The following AFF3 variants were observed in gnomAD, a reference collection of about 807,000 sequenced individuals.
AFF3 encodes the protein ALF transcription elongation factor 3.
AFF3 carries 32 observed loss-of-function variants against 129.7 expected under a neutral mutation model. That is an observed-to-expected ratio of 0.25 (90% CI 0.19 to 0.33). AFF3 has a LOEUF of 0.33. Ranked by LOEUF, AFF3 falls within the 10% of genes least tolerant of loss-of-function variation. The pLI, the probability that AFF3 is intolerant of heterozygous loss-of-function variation, is 1.00. For synonymous variants in AFF3, 644 were observed against 635.4 expected (o/e 1.01, Z -0.20); for missense variants, 1,373 against 1,592.0 (o/e 0.86, Z 2.34).
At chr2:99,619,120 T>C in intron 13 of AFF3, among the ~76,000 whole-genome samples, 1 of 152,216 alleles carries the variant, frequency 6.6e-6, no homozygotes, top group East Asian at 1.9e-4. Flanking sequence ...GAGATGGCAG[T>C]GCCCAGATCT....
chr2:99,573,633 G>A (rs1450709946), intron 18 of AFF3, among the ~76,000 whole-genome samples: 1 of 152,210 alleles, frequency 6.6e-6, no homozygotes, highest in Non-Finnish European at 1.5e-5. Context: ...TGAGACTGCT[G>A]TGCAAGTACA....
At position 99,587,192 on chromosome 2, in the gene AFF3, A is replaced by G. The variant is rs1030402589; in HGVS notation, c.2553T>C (p.Asn851=). 4 of 1,614,078 alleles carry G rather than the reference A, an allele frequency of 2.5e-6. No homozygotes were observed. The highest frequency in any genetic ancestry group is 2.5e-6 in the Non-Finnish European group (3 of 1,180,052). The stretch of plus-strand genomic sequence containing the variant: ...TGTTGCAGTGGTTTGCAGACAAAGT[A>G]TTACTGGTGGAGGTGGCCAGTCTTG... ...SSSRLATSTS[N]TLSANHCNMN... Residue 851 remains asparagine, a synonymous_variant, in exon 16 of 25, where the codon AAT becomes AAC. Coordinates refer to ENST00000672756, the MANE Select transcript of AFF3 (RefSeq NM_001386135.1).
intron 4 of AFF3, among the ~76,000 whole-genome samples, chr2:100,040,742 AGT>A (rs1195435253): frequency 6.6e-6 from 1 of 152,244 alleles, no homozygotes; most frequent in Non-Finnish European, 1.5e-5. Context: ...AAGTGAAAGC[AGT>A]GTTAGAAAAC....
chr2:100,057,890 CAAGAT>C (rs1227699325), intron 4 of AFF3, among the ~76,000 whole-genome samples: 1 of 152,186 alleles, frequency 6.6e-6, no homozygotes, highest in African/African-American at 2.4e-5. Flanking sequence ...TTCCTGGAAT[CAAGAT>C]AAACTATTAT....
chr2:99,667,557 AAAC>A (rs1422294216), intron 12 of AFF3, among the ~76,000 whole-genome samples: 20 of 152,244 alleles, frequency 1.3e-4, no homozygotes, highest in Non-Finnish European at 2.5e-4. Context: ...AATATTAATG[AAAC>A]AACAAGCTAG....
chr2:100,079,870 A>T (rs1688908146), intron 4 of AFF3, among the ~76,000 whole-genome samples: 1 of 152,096 alleles, frequency 6.6e-6, no homozygotes, highest in African/African-American at 2.4e-5. Context: ...AAGAAGAGTA[A>T]CTCAGCCTCC....
intron 7 of AFF3, among the ~76,000 whole-genome samples, chr2:99,841,658 C>A (rs1016376437): frequency 1.3e-5 from 2 of 152,182 alleles, no homozygotes; most frequent in Non-Finnish European, 2.9e-5. Flanking sequence ...CGTAGAAAAT[C>A]TGAATGGGAA....
chr2:99,848,581 T>C (rs1689907455), intron 7 of AFF3, among the ~76,000 whole-genome samples: 1 of 152,210 alleles, frequency 6.6e-6, no homozygotes, highest in Non-Finnish European at 1.5e-5. Context: ...GAATATAAAA[T>C]AAATTAATTA....
intron 8 of AFF3, among the ~76,000 whole-genome samples, chr2:99,837,135 A>T (rs1688939390): frequency 6.6e-6 from 1 of 152,212 alleles, no homozygotes; most frequent in African/African-American, 2.4e-5. Context: ...CCTGACTCAA[A>T]AAAATGTACA....
intron 18 of AFF3, chr2:99,572,655 A>G (rs1676612153): frequency 2.2e-6 from 1 of 455,958 alleles, no homozygotes; most frequent in Non-Finnish European, 4.4e-6. Flanking sequence ...TGAATTCATC[A>G]TCTGCTATCC....
intron 11 of AFF3, 118 bp from the exon 12 acceptor site, chr2:99,672,707 A>G (rs1687271716): frequency 1.0e-6 from 1 of 961,496 alleles, no homozygotes; most frequent in Admixed American, 2.2e-5. Flanking sequence ...AAATAAGTCT[A>G]TTTGATTTCC....
At chr2:100,000,111 C>A (rs1681243479) in intron 7 of AFF3, among the ~76,000 whole-genome samples, 1 of 152,198 alleles carries the variant, frequency 6.6e-6, no homozygotes, top group South Asian at 2.1e-4. Flanking sequence ...AGTGATTCTA[C>A]TGCTCAGCCC....
intron 2 of AFF3, among the ~76,000 whole-genome samples, chr2:100,112,739 G>A (rs1691563965): frequency 6.6e-6 from 1 of 152,136 alleles, no homozygotes; most frequent in Non-Finnish European, 1.5e-5. Context: ...TAGAAAGCAG[G>A]AGCCCAAGGT....
chr2:100,132,450 T>C (rs1692461346), intron 1 of AFF3, among the ~76,000 whole-genome samples: 1 of 152,158 alleles, frequency 6.6e-6, no homozygotes, highest in South Asian at 2.1e-4. Context: ...TGTAGTTAAG[T>C]CTTTTTTCTG....
At chr2:99,709,996 A>G (rs1206295509) in intron 11 of AFF3, among the ~76,000 whole-genome samples, 1 of 152,200 alleles carries the variant, frequency 6.6e-6, no homozygotes, top group Non-Finnish European at 1.5e-5. Context: ...CTTCTGAGTC[A>G]AACACCTCTG....
chr2:100,090,834 G>A (rs1164372631), intron 4 of AFF3, among the ~76,000 whole-genome samples: 2 of 152,056 alleles, frequency 1.3e-5, no homozygotes, highest in Admixed American at 6.6e-5. Flanking sequence ...CCACCACCAC[G>A]CCTAGCTAAT....
intron 4 of AFF3, among the ~76,000 whole-genome samples, chr2:100,069,974 C>A (rs568209608): frequency 1.1e-4 from 16 of 152,314 alleles, no homozygotes; most frequent in Non-Finnish European, 2.4e-4. Flanking sequence ...CTTTAAAATC[C>A]TGCAAGGTAT....
chr2:100,060,133 A>G (rs1431131761), intron 4 of AFF3, among the ~76,000 whole-genome samples: 2 of 152,166 alleles, frequency 1.3e-5, no homozygotes, highest in African/African-American at 2.4e-5. Flanking sequence ...CTCCGAGAAC[A>G]GGTAATTTCA....
chr2:99,661,916 G>T (rs1276818372), intron 12 of AFF3, among the ~76,000 whole-genome samples: 2 of 152,286 alleles, frequency 1.3e-5, no homozygotes, highest in African/African-American at 4.8e-5. Flanking sequence ...AAGGCAGGGG[G>T]ATCACCTGAG....
Sources: gnomAD v4.1 joint callset for allele counts (sites outside exome capture counted in the v4.1 genomes callset) on GRCh38, gnomAD v4.1.1 for gene constraint, MANE v1.5 for transcripts, NCBI Gene and HGNC (gene_info 2026-07-23, HGNC 2026-07-21) for gene names.